TBPL1: variants seen among roughly 807,000 people sequenced by gnomAD.
The protein encoded by TBPL1 is TATA box-binding protein-like 1.
TBPL1 carries 4 observed loss-of-function variants against 22.1 expected under a neutral mutation model. The ratio of observed to expected loss-of-function variants is 0.18; its 90% CI spans 0.09 to 0.41. The LOEUF (loss-of-function observed/expected upper bound fraction) is 0.41. Among genes scored for constraint, TBPL1 ranks in the 10% least tolerant of loss-of-function variants. TBPL1 has a pLI of 1.00. For synonymous variants in TBPL1, 64 were observed against 71.0 expected, an observed-to-expected ratio of 0.90 and a Z score of 0.50; for missense variants, 115 against 222.3, an observed-to-expected ratio of 0.52 and a Z score of 3.07.
At chr6:133,977,511 G>A (rs1776335619) in intron 1 of TBPL1, among the ~76,000 whole-genome samples, 1 of 152,188 alleles carries the variant, frequency 6.6e-6, no homozygotes, top group Admixed American at 6.5e-5. Context: ...GAGTAGAGTA[G>A]AACTCAAAGT....
rs3068194 is a variant in TBPL1 at position 133,985,297 on chromosome 6, AATATATATATATATATAT to A, written c.481+650_481+667del. 1.3e-3 allele frequency among the ~76,000 whole-genome samples: 54 copies of A among 42,908 alleles called. 8 individuals are homozygous for A. In the South Asian group the frequency reaches 0.016, roughly 12 times the overall value. The allele number at this position is 42,908 out of a possible 152,430, so 28.1% of individuals were successfully genotyped here. A position where few individuals can be genotyped will look rare whatever the true frequency, so the allele number is the denominator to read the frequency against. On this transcript the variant is annotated intron_variant, in intron 6 of 6. Transcript: ENST00000237264. ...TGTCTAAAAAAAAAAAAAAAAAAAAAATATATATATATATATATATATATATATATATATATATATACA... is the reference window on the plus strand; with the variant it reads ...TGTCTAAAAAAAAAAAAAAAAAAAAAATATATATATATATATATATATACA...
chr6:133,985,291 A>AAC lies in TBPL1; in HGVS notation c.481+621_481+622insCA, dbSNP rs1776489712. Among the ~76,000 whole-genome samples the AAC allele has an allele frequency of 3.0e-5, 2 of 66,222 alleles. 1 individual carries two copies. The highest frequency in any genetic ancestry group is 1.2e-4 in the African/African-American group (2 of 16,262). The allele number at this position is 66,222 out of a possible 152,430, so 43.4% of individuals were successfully genotyped here. On this transcript the variant is annotated intron_variant, in intron 6 of 6. Transcript: ENST00000237264. Reference sequence around the variant, plus strand: ...AGACTCTGTCTAAAAAAAAAAAAAAAAAAAAAATATATATATATATATATA... The same window carrying AAC: ...AGACTCTGTCTAAAAAAAAAAAAAAAACAAAAAAATATATATATATATATATA...
intron 1 of TBPL1, among the ~76,000 whole-genome samples, chr6:133,970,980 G>A (rs1320495860): frequency 6.6e-6 from 1 of 152,162 alleles, no homozygotes; most frequent in Non-Finnish European, 1.5e-5. Flanking sequence ...GCTATTTTAT[G>A]ATATACTTTA....
intron 2 of TBPL1, 52 bp from the exon 3 acceptor site, chr6:133,982,515 AC>A: frequency 2.0e-6 from 3 of 1,523,926 alleles, no homozygotes; most frequent in Non-Finnish European, 2.7e-6. Flanking sequence ...ATAGAACAGA[AC>A]CTTATGTGAA....
rs1262576210 is a variant in TBPL1, at chr6:133,987,944, A to G, written c.*904A>G. 6.6e-6 allele frequency: 1 copy of G among 152,200 alleles called. No individual in the cohort carries two copies. Among genetic ancestry groups the G allele is most frequent in the African/African-American group, 2.4e-5 (1 of 41,418 alleles). 9.4% of individuals were successfully genotyped at this position (152,200 alleles called of 1,614,324 possible). A position where few individuals can be genotyped will look rare whatever the true frequency, so the allele number is the denominator to read the frequency against. On this transcript the variant is annotated 3_prime_UTR_variant, in exon 7 of 7. Coordinates refer to ENST00000237264, the MANE Select transcript of TBPL1 (RefSeq NM_004865.4). ...CTGTGATGAATGGTGCCTCATTTGG[A>G]CCTTTGTTTTTCTGGAAAGACTCAA...
At chr6:133,984,873 T>G (rs766807725) in intron 6 of TBPL1, 2 of 535,722 alleles carry the variant, frequency 3.7e-6, no homozygotes, top group Non-Finnish European at 6.7e-6. Flanking sequence ...ATTTTGTGTC[T>G]TTTTTCACTC....
chr6:133,954,081 A>T (rs1352671733), intron 1 of TBPL1, among the ~76,000 whole-genome samples: 4 of 152,206 alleles, frequency 2.6e-5, no homozygotes, highest in African/African-American at 9.7e-5. Flanking sequence ...CCCTAAAAGT[A>T]AATCTAATAG....
intron 1 of TBPL1, among the ~76,000 whole-genome samples, chr6:133,974,739 A>G (rs140361744): frequency 3.9e-5 from 6 of 152,384 alleles, no homozygotes; most frequent in African/African-American, 1.2e-4. Context: ...TTTTTGTACC[A>G]GACTGTAAGA....
chr6:133,954,613 T>A (rs1032878630), intron 1 of TBPL1, among the ~76,000 whole-genome samples: 1 of 152,190 alleles, frequency 6.6e-6, no homozygotes, highest in Non-Finnish European at 1.5e-5. Context: ...TGTAGCACAA[T>A]GAAAAGGCCA....
chr6:133,987,233 A>G lies in TBPL1; in HGVS notation c.*193A>G, dbSNP rs530175217. The G allele has an allele frequency of 9.8e-6, 4 of 407,166 alleles. No homozygotes were observed. Among genetic ancestry groups the G allele is most frequent in the Non-Finnish European group, 1.3e-5 (3 of 228,278 alleles). 25.2% of individuals were successfully genotyped at this position (407,166 alleles called of 1,614,324 possible). ...TGTAATATAAAAGGAAGTTTACAAG[A>G]CATGATATTGCTGCTTTTACAAAAG... is the stretch of plus-strand genomic sequence containing the variant. On this transcript the variant is annotated 3_prime_UTR_variant, in exon 7 of 7. Transcript: ENST00000237264.
At chr6:133,966,294 T>C (rs1402744588) in intron 1 of TBPL1, among the ~76,000 whole-genome samples, 1 of 152,196 alleles carries the variant, frequency 6.6e-6, no homozygotes, top group East Asian at 1.9e-4. Context: ...CCAAGGAGAC[T>C]ATAAATAGGA....
At chr6:133,974,862 T>A (rs761961001) in intron 1 of TBPL1, among the ~76,000 whole-genome samples, 1 of 152,176 alleles carries the variant, frequency 6.6e-6, no homozygotes, top group Non-Finnish European at 1.5e-5. Flanking sequence ...TGCAAAGAAC[T>A]GCTAAATAAA....
intron 1 of TBPL1, among the ~76,000 whole-genome samples, chr6:133,960,148 C>G (rs1166248420): frequency 2.0e-5 from 3 of 152,160 alleles, no homozygotes; most frequent in African/African-American, 7.2e-5. Context: ...GTGGGTTGAC[C>G]TCCTTCCAGG....
chr6:133,957,413 G>A (rs371697212), intron 1 of TBPL1, among the ~76,000 whole-genome samples: 5 of 152,220 alleles, frequency 3.3e-5, no homozygotes, highest in African/African-American at 1.2e-4. Flanking sequence ...AGACATCTGT[G>A]TGTAGACATT....
At chr6:133,954,551 T>G (rs140439038) in intron 1 of TBPL1, among the ~76,000 whole-genome samples, 51 of 152,344 alleles carry the variant, frequency 3.3e-4, no homozygotes, top group African/African-American at 1.2e-3. Context: ...ACAAGCTGCT[T>G]AATGGTTTTA....
In TBPL1 at chr6:133,979,293, A is replaced by G. The variant is rs576891996; in HGVS notation, c.-44-789A>G. Among the ~76,000 whole-genome samples the G allele has an allele frequency of 4.3e-4, 65 of 152,356 alleles. 1 individual carries two copies. The highest frequency in any genetic ancestry group is 2.9e-3 in the Admixed American group (45 of 15,304). On this transcript the variant is annotated intron_variant, in intron 1 of 6. Transcript: ENST00000237264. ...AAAAGTCTGTTAGTAAATGTTATTC[A>G]TATTTTTGCTGCTTTAAACTTAAGT...
chr6:133,987,766 C>G lies in TBPL1; in HGVS notation c.*726C>G, dbSNP rs553308028. 1 of 152,018 alleles carries G rather than the reference C, an allele frequency of 6.6e-6. No homozygotes were observed. Among genetic ancestry groups the G allele is most frequent in the South Asian group, 2.1e-4 (1 of 4,802 alleles). 9.4% of individuals were successfully genotyped at this position (152,018 alleles called of 1,614,324 possible). ...AGAAATAAAAACGTGTATATAAACTCTAGGGAACCAGACTAGAAGTTTATA... is the reference window on the plus strand; with the variant it reads ...AGAAATAAAAACGTGTATATAAACTGTAGGGAACCAGACTAGAAGTTTATA... On this transcript the variant is annotated 3_prime_UTR_variant, in exon 7 of 7. Coordinates refer to ENST00000237264, the MANE Select transcript of TBPL1 (RefSeq NM_004865.4).
chr6:133,959,019 A>G (rs1315494784), intron 1 of TBPL1, among the ~76,000 whole-genome samples: 1 of 151,998 alleles, frequency 6.6e-6, no homozygotes, highest in Non-Finnish European at 1.5e-5. Context: ...TTAGTTTTAG[A>G]TACCCTGAGG....
At chr6:133,973,270 A>G (rs942067990) in intron 1 of TBPL1, among the ~76,000 whole-genome samples, 4 of 152,172 alleles carry the variant, frequency 2.6e-5, no homozygotes, top group Admixed American at 1.3e-4. Context: ...AAATCGGTCT[A>G]TTATCAGTCC....
Sources: gnomAD v4.1 joint callset for allele counts (sites outside exome capture counted in the v4.1 genomes callset) on GRCh38, gnomAD v4.1.1 for gene constraint, MANE v1.5 for transcripts, NCBI Gene and HGNC (gene_info 2026-07-23, HGNC 2026-07-21) for gene names.